Variants in SCN11A observed in about 807,000 individuals in gnomAD.
The protein encoded by SCN11A is sodium channel protein type 11 subunit alpha.
A neutral mutation model predicts 162.2 loss-of-function variants in SCN11A; 122 were observed. That is an observed-to-expected ratio of 0.75 (90% CI 0.65 to 0.87). SCN11A has a LOEUF of 0.87. Ranked by LOEUF, SCN11A falls within the 40% of genes least tolerant of loss-of-function variation. The pLI is 0.00. For missense variants in SCN11A, 2,015 were observed against 2,181.6 expected (o/e 0.92, Z 1.52); for synonymous variants, 758 against 751.5 (o/e 1.01, Z -0.14).
Position 38,896,944 on chromosome 3 carries a change from T to C in SCN11A, c.2304A>G (p.Glu768=), listed in dbSNP as rs2065609853. 1.9e-6 allele frequency: 3 copies of C among 1,613,928 alleles called. No homozygotes were observed. The highest frequency in any genetic ancestry group is 2.5e-6 in the Non-Finnish European group (3 of 1,180,014). The change falls in exon 18 of 30, where the codon GAA becomes GAG. Residue 768 remains glutamate (E), a synonymous_variant. Coordinates refer to ENST00000302328, the MANE Select transcript of SCN11A (RefSeq NM_001349253.2). The part of the protein sequence containing the change: ...FLVVFRILCG[E]WIENMWECMQ... ...TACATTCCCACATATTTTCGATCCA[T>C]TCCCCGCAGAGGATGCGGAATACCA...
intron 2 of SCN11A, among the ~76,000 whole-genome samples, chr3:38,988,583 G>A (rs555990195): frequency 1.3e-5 from 2 of 151,550 alleles, no homozygotes; most frequent in South Asian, 2.1e-4. Flanking sequence ...TCATTTATTC[G>A]TCTTGTCACC....
At chr3:39,004,627 AATG>A (rs2030916305) in intron 2 of SCN11A, among the ~76,000 whole-genome samples, 1 of 152,166 alleles carries the variant, frequency 6.6e-6, no homozygotes, top group African/African-American at 2.4e-5. Flanking sequence ...TGGCCATTTT[AATG>A]ATATTGACTC....
In SCN11A at chr3:39,009,843, A is replaced by ATTTT. The variant is rs60263866; in HGVS notation, c.-280+22533_-280+22536dup. Among the ~76,000 whole-genome samples, 17 of 115,314 alleles carry ATTTT rather than the reference A, an allele frequency of 1.5e-4. 1 individual carries two copies. The highest frequency in any genetic ancestry group is 2.9e-4 in the South Asian group (1 of 3,396). 75.7% of individuals were successfully genotyped at this position (115,314 alleles called of 152,430 possible). A position where few individuals can be genotyped will look rare whatever the true frequency, so the allele number is the denominator to read the frequency against. On this transcript the variant is annotated intron_variant, in intron 2 of 29. Transcript: ENST00000302328. ...AGGTGTGCATCATCACGCTCAGCTA[A>ATTTT]TTTTTTTTTTTTTTTTTTTTGGTAA...
intron 2 of SCN11A, among the ~76,000 whole-genome samples, chr3:39,026,524 C>T (rs1240511936): frequency 6.6e-6 from 1 of 152,078 alleles, no homozygotes; most frequent in African/African-American, 2.4e-5. Context: ...CTGCAGACCT[C>T]TGTCAAGGAA....
intron 7 of SCN11A, among the ~76,000 whole-genome samples, chr3:38,932,291 G>A (rs1453833350): frequency 2.0e-5 from 3 of 152,194 alleles, no homozygotes; most frequent in African/African-American, 4.8e-5. Flanking sequence ...CAGCGTGAGC[G>A]ACGCAGAAGA....
intron 2 of SCN11A, among the ~76,000 whole-genome samples, chr3:39,017,040 T>A (rs541920130): frequency 2.2e-4 from 33 of 152,354 alleles, no homozygotes; most frequent in Non-Finnish European, 4.0e-4. Flanking sequence ...GTTGAAATCC[T>A]AACACCCCGT....
intron 28 of SCN11A, among the ~76,000 whole-genome samples, chr3:38,859,028 T>A (rs2064919555): frequency 6.6e-6 from 1 of 151,778 alleles, no homozygotes; most frequent in Admixed American, 6.6e-5. Flanking sequence ...AAAGTGGTGC[T>A]AAGAGGAAAG....
At chr3:38,951,953 G>T (rs4571174) in intron 4 of SCN11A, among the ~76,000 whole-genome samples, 14 of 151,638 alleles carry the variant, frequency 9.2e-5, no homozygotes, top group East Asian at 3.9e-4. Flanking sequence ...GCAACCCGCT[G>T]GGGTCCCCTT....
chr3:38,974,467 G>A (rs949262858), intron 2 of SCN11A, among the ~76,000 whole-genome samples: 1 of 151,850 alleles, frequency 6.6e-6, no homozygotes, highest in South Asian at 2.1e-4. Context: ...AGGCCGAGGC[G>A]GGCAGATCAC....
At chr3:38,889,346 A>G (rs2065455172) in intron 19 of SCN11A, among the ~76,000 whole-genome samples, 1 of 151,096 alleles carries the variant, frequency 6.6e-6, no homozygotes, top group African/African-American at 2.4e-5. Flanking sequence ...AATCGCTTGA[A>G]CTCGGCAAGC....
At chr3:38,961,681 C>T (rs983394773) in intron 2 of SCN11A, among the ~76,000 whole-genome samples, 2 of 152,140 alleles carry the variant, frequency 1.3e-5, no homozygotes, top group Non-Finnish European at 2.9e-5. Context: ...AGAGCCCTGG[C>T]CTTTTGAAAT....
At chr3:38,981,896 C>T (rs1220453485) in intron 2 of SCN11A, among the ~76,000 whole-genome samples, 1 of 151,606 alleles carries the variant, frequency 6.6e-6, no homozygotes. Context: ...CCCAGCTACT[C>T]AGGAGACTGA....
chr3:38,887,499 AT>A (rs1376177635), intron 19 of SCN11A, among the ~76,000 whole-genome samples: 3 of 151,048 alleles, frequency 2.0e-5, no homozygotes, highest in Non-Finnish European at 4.4e-5. Context: ...TGACGAGTTA[AT>A]GCGTGCAGCA....
intron 2 of SCN11A, among the ~76,000 whole-genome samples, chr3:38,963,820 C>T (rs1023429241): frequency 5.9e-5 from 9 of 152,186 alleles, no homozygotes; most frequent in African/African-American, 2.2e-4. Flanking sequence ...CAAATCACCA[C>T]TTAAGAACTT....
intron 1 of SCN11A, among the ~76,000 whole-genome samples, chr3:39,038,328 G>A (rs17038357): frequency 0.029 from 4,400 of 152,234 alleles, 214 homozygotes; most frequent in African/African-American, 0.1. Flanking sequence ...TTTAACTATA[G>A]AAGTGAGTAA....
chr3:38,933,618 G>T (rs1326841654), intron 7 of SCN11A, among the ~76,000 whole-genome samples: 1 of 152,210 alleles, frequency 6.6e-6, no homozygotes, highest in Non-Finnish European at 1.5e-5. Context: ...GGAAGAAAGG[G>T]TATCAGTGAT....
chr3:38,982,176 G>A (rs114504558), intron 2 of SCN11A, among the ~76,000 whole-genome samples: 1 of 152,308 alleles, frequency 6.6e-6, no homozygotes, highest in African/African-American at 2.4e-5. Context: ...CTGTGGGATT[G>A]AGCAAAAGAT....
chr3:38,889,543 T>G (rs1294040025), intron 19 of SCN11A, among the ~76,000 whole-genome samples: 1 of 152,062 alleles, frequency 6.6e-6, no homozygotes, highest in African/African-American at 2.4e-5. Flanking sequence ...CTCACGCCTG[T>G]AATCCCAGCA....
rs1237315962 is a variant in SCN11A at position 38,886,205 on chromosome 3, T to G, written c.2869A>C (p.Thr957Pro). 3.1e-6 allele frequency: 5 copies of G among 1,612,944 alleles called. No individual in the cohort carries two copies. In the South Asian group the frequency reaches 5.5e-5, roughly 18 times the overall value. Reference sequence around the variant, plus strand: ...TCCACACTTTGAACTCTCTGGCTCGTGGGCTTCTTGTTCTCCTGATGGAGC... The same window carrying G: ...TCCACACTTTGAACTCTCTGGCTCGGGGGCTTCTTGTTCTCCTGATGGAGC... ...YELHQENKKP[T>P]SQRVQSVEID... The change falls in exon 20 of 30, where the codon ACG becomes CCG. Residue 957 changes from threonine to proline, a missense_variant. Transcript: ENST00000302328.
Sources: allele counts gnomAD v4.1 joint callset (sites outside exome capture counted in the v4.1 genomes callset), GRCh38; gene constraint gnomAD v4.1.1; transcripts MANE v1.5; gene names NCBI Gene and HGNC (gene_info 2026-07-23, HGNC 2026-07-21).